Variants in SAMD7 observed in about 807,000 individuals in gnomAD.
The protein encoded by SAMD7 is sterile alpha motif domain-containing protein 7.
SAMD7 carries 34 observed loss-of-function variants against 36.7 expected under a neutral mutation model. That is an observed-to-expected ratio of 0.93 (90% CI 0.71 to 1.23). The LOEUF is 1.23. SAMD7 is among the 50% of genes most tolerant of loss of function. The pLI, the probability that SAMD7 is intolerant of heterozygous loss-of-function variation, is 0.00. For missense variants in SAMD7, 570 were observed against 546.6 expected, an observed-to-expected ratio of 1.04 and a Z score of -0.43; for synonymous variants, 188 against 189.7, an observed-to-expected ratio of 0.99 and a Z score of 0.07.
chr3:169,931,492 A>AT (rs1218974165), intron 7 of SAMD7, among the ~76,000 whole-genome samples: 21 of 151,504 alleles, frequency 1.4e-4, no homozygotes, highest in Non-Finnish European at 2.4e-4. Flanking sequence ...CACCCAGCTA[A>AT]TTTTTTTTAA....
chr3:169,936,866 G>T (rs1713737638), intron 8 of SAMD7, among the ~76,000 whole-genome samples: 1 of 151,850 alleles, frequency 6.6e-6, no homozygotes, highest in South Asian at 2.1e-4. Context: ...GACACTTGGG[G>T]GTGACTATCC....
intron 7 of SAMD7, chr3:169,932,466 G>C: frequency 1.7e-6 from 1 of 602,468 alleles, no homozygotes; most frequent in South Asian, 1.4e-5. Flanking sequence ...CTTTCACTTG[G>C]ACAGGATTGT....
rs866368866 is a variant in SAMD7, at chr3:169,919,723, A to G, written c.86+139A>G. 3.5e-5 allele frequency: 26 copies of G among 738,924 alleles called. No homozygotes were observed. In the Middle Eastern group the frequency reaches 2.9e-3, roughly 84 times the overall value. The allele number at this position is 738,924 out of a possible 1,614,324, so 45.8% of individuals were successfully genotyped here. ...GTGGTGCAGTAATTCAAGTCAAGAC[A>G]CCCTGCTGGCCTCACCTTCAAGACA... On this transcript the variant is annotated intron_variant, in intron 3 of 8. Transcript: ENST00000335556.
intron 7 of SAMD7, chr3:169,932,066 G>T: frequency 1.8e-6 from 1 of 555,668 alleles, no homozygotes; most frequent in South Asian, 2.7e-5. Flanking sequence ...AAGTTTTCCT[G>T]ATTGACAACT....
intron 6 of SAMD7, 123 bp from the exon 7 acceptor site, chr3:169,928,334 C>T: frequency 1.5e-6 from 1 of 684,572 alleles, no homozygotes; most frequent in South Asian, 2.4e-5. Context: ...CCTAGTAATT[C>T]CTAATATCTT....
In SAMD7 at chr3:169,933,001, G is replaced by A. The variant is rs976221613; in HGVS notation, c.1042-3338G>A. ...TTCTTTCCCCCCCTCTATCAGTGTG[G>A]CATCACTCAGGTGTCTACCTGGAAC... On this transcript the variant is annotated intron_variant, in intron 7 of 8. Coordinates refer to ENST00000335556, the MANE Select transcript of SAMD7 (RefSeq NM_001304366.2). The A allele has an allele frequency of 9.5e-6, 7 of 735,194 alleles. No individual in the cohort carries two copies. The African/African-American group carries it at 1.2e-4, about 13-fold the overall frequency. The allele number at this position is 735,194 out of a possible 1,614,324, so 45.5% of individuals were successfully genotyped here. A position where few individuals can be genotyped will look rare whatever the true frequency, so the allele number is the denominator to read the frequency against.
Position 169,939,035 on chromosome 3 carries a change from A to C in SAMD7, c.*529A>C, listed in dbSNP as rs1713826165. ...GAGAAGCTTTAACCTTAAATTTTCG[A>C]GTTTTGGCCAGGCGCGGTGGCTCAC... is the stretch of plus-strand genomic sequence containing the variant. On this transcript the variant is annotated 3_prime_UTR_variant, in exon 9 of 9. Coordinates refer to ENST00000335556, the MANE Select transcript of SAMD7 (RefSeq NM_001304366.2). 6.6e-6 allele frequency: 1 copy of C among 152,100 alleles called. No homozygotes were observed. The highest frequency in any genetic ancestry group is 1.9e-4 in the East Asian group (1 of 5,174). The allele number at this position is 152,100 out of a possible 1,614,324, so 9.4% of individuals were successfully genotyped here.
chr3:169,932,179 C>T (rs1713522347), intron 7 of SAMD7: 1 of 650,386 alleles, frequency 1.5e-6, no homozygotes. Context: ...CAAGTTGGAC[C>T]ACACGTTGCA....
At position 169,926,824 on chromosome 3, in the gene SAMD7, A is replaced by G; in HGVS notation, c.562A>G (p.Thr188Ala). The G allele has an allele frequency of 2.5e-6, 4 of 1,613,938 alleles. No individual in the cohort carries two copies. Among genetic ancestry groups the G allele is most frequent in the Non-Finnish European group, 3.4e-6 (4 of 1,179,998 alleles). ...GAGATGTCGTCGACTCAGGAAAAAT[A>G]CAGGGAATCAAAAAGCTCTAGACAG... is the stretch of plus-strand genomic sequence containing the variant. ...GQRCRRLRKN[T>A]GNQKALDSDA... is the part of the protein sequence containing the mutation. Residue 188 changes from threonine to alanine, a missense_variant, in exon 6 of 9, where the codon ACA becomes GCA. Thr to Ala is a moderately conservative substitution (Grantham distance 58). Transcript: ENST00000335556.
chr3:169,932,474 T>G, intron 7 of SAMD7: 1 of 598,152 alleles, frequency 1.7e-6, no homozygotes, highest in Non-Finnish European at 3.3e-6. Flanking sequence ...TGGACAGGAT[T>G]GTGGGTGTCC....
intron 8 of SAMD7, 139 bp from the exon 9 acceptor site, chr3:169,938,179 C>T: frequency 1.6e-6 from 1 of 615,390 alleles, no homozygotes; most frequent in African/African-American, 1.9e-5. Flanking sequence ...CCACATCCTA[C>T]AATTGTGACC....
intron 2 of SAMD7, among the ~76,000 whole-genome samples, chr3:169,918,301 A>G (rs1712902435): frequency 6.6e-6 from 1 of 152,146 alleles, no homozygotes; most frequent in African/African-American, 2.4e-5. Flanking sequence ...TTGCTGTGCT[A>G]TCAAATACTA....
At chr3:169,920,901 G>A (rs1185556379) in intron 3 of SAMD7, among the ~76,000 whole-genome samples, 1 of 152,204 alleles carries the variant, frequency 6.6e-6, no homozygotes, top group Non-Finnish European at 1.5e-5. Context: ...GGTCACAGTA[G>A]ACTGTTGGTC....
chr3:169,938,118 C>A (rs1713787680), intron 8 of SAMD7, among the ~76,000 whole-genome samples, 200 bp from the exon 9 acceptor site: 2 of 152,136 alleles, frequency 1.3e-5, no homozygotes, highest in African/African-American at 4.8e-5. Context: ...CACCTTGATA[C>A]CCTGTTTTAC....
chr3:169,928,255 A>G (rs1293295213), intron 6 of SAMD7, among the ~76,000 whole-genome samples: 1 of 152,242 alleles, frequency 6.6e-6, no homozygotes, highest in Non-Finnish European at 1.5e-5. Flanking sequence ...CTTACAATAA[A>G]TGCTATCAGT....
At chr3:169,932,981 T>A in intron 7 of SAMD7, 2 of 713,006 alleles carry the variant, frequency 2.8e-6, no homozygotes, top group South Asian at 2.8e-5. Flanking sequence ...AAGCATTCTT[T>A]CCCCCCCTCT....
chr3:169,925,719 C>T (rs1040520817), intron 5 of SAMD7, among the ~76,000 whole-genome samples: 8 of 152,190 alleles, frequency 5.3e-5, no homozygotes, highest in African/African-American at 1.9e-4. Context: ...GAGTGAGACT[C>T]TGTCTTGAAC....
intron 4 of SAMD7, 146 bp downstream of exon 4, chr3:169,921,484 T>TGG: frequency 1.4e-6 from 1 of 735,890 alleles, no homozygotes; most frequent in Non-Finnish European, 2.3e-6. Flanking sequence ...ACCACCTAGG[T>TGG]TCAGATCATG....
At chr3:169,927,215 T>C (rs768753212) in intron 6 of SAMD7, 34 bp downstream of exon 6, 4 of 1,496,420 alleles carry the variant, frequency 2.7e-6, no homozygotes, top group Non-Finnish European at 3.6e-6. Flanking sequence ...AGATCCTCAT[T>C]AACTACAGGT....
Sources: gnomAD v4.1 joint callset for allele counts (sites outside exome capture counted in the v4.1 genomes callset) on GRCh38, gnomAD v4.1.1 for gene constraint, MANE v1.5 for transcripts, NCBI Gene and HGNC (gene_info 2026-07-23, HGNC 2026-07-21) for gene names.